The following RAD51B variants were observed in gnomAD, a reference collection of about 807,000 sequenced individuals.
The protein encoded by RAD51B is RAD51 paralog B, also known as DNA repair protein RAD51 homolog 2.
RAD51B carries 38 observed loss-of-function variants against 42.2 expected under a neutral mutation model. The observed-to-expected ratio is 0.90, with a 90% CI of 0.70 to 1.18. The LOEUF (loss-of-function observed/expected upper bound fraction) is 1.18. Ranked by LOEUF, RAD51B falls within the 50% of genes most tolerant of loss-of-function variation. The pLI is 0.00. For missense variants in RAD51B, 373 were observed against 400.7 expected (o/e 0.93, Z 0.59); for synonymous variants, 154 against 145.2 (o/e 1.06, Z -0.43).
At chr14:68,374,153 C>T (rs2083316953) in intron 8 of RAD51B, among the ~76,000 whole-genome samples, 1 of 152,202 alleles carries the variant, frequency 6.6e-6, no homozygotes, top group Admixed American at 6.5e-5. Flanking sequence ...GGCACTTTCC[C>T]TCAGCAGATT....
chr14:67,924,882 G>A (rs376007015), intron 7 of RAD51B, among the ~76,000 whole-genome samples: 5 of 152,162 alleles, frequency 3.3e-5, no homozygotes, highest in East Asian at 1.9e-4. Flanking sequence ...ACAGTCCAGC[G>A]TCTCATCAGA....
chr14:68,308,702 A>AT (rs919455767), intron 8 of RAD51B, among the ~76,000 whole-genome samples: 1 of 82,914 alleles, frequency 1.2e-5, no homozygotes, highest in African/African-American at 7.1e-5. Flanking sequence ...TATCTGTGTC[A>AT]TTAAAAAAAA....
intron 8 of RAD51B, among the ~76,000 whole-genome samples, chr14:68,366,742 GT>G (rs1205325732): frequency 6.6e-6 from 1 of 152,224 alleles, no homozygotes; most frequent in African/African-American, 2.4e-5. Context: ...CCACACCCTA[GT>G]TTAATGCTCT....
At chr14:67,917,428 C>T (rs977601926) in intron 7 of RAD51B, among the ~76,000 whole-genome samples, 1 of 152,116 alleles carries the variant, frequency 6.6e-6, no homozygotes, top group Non-Finnish European at 1.5e-5. Flanking sequence ...ACTTTTAAAC[C>T]ACCAGATCTC....
chr14:68,279,737 A>G lies in RAD51B; in HGVS notation c.757-12147A>G, dbSNP rs184692699. ...ACCCATCCGAAAAATAAATACAAAT[A>G]TCATTTCAAATAGGAAAAACAAGAA... On this transcript the variant is annotated intron_variant, in intron 7 of 10. Coordinates refer to ENST00000471583, the MANE Select transcript of RAD51B (RefSeq NM_133510.4). Among the ~76,000 whole-genome samples, 287 of 152,356 alleles carry G rather than the reference A, an allele frequency of 1.9e-3. 6 individuals carry two copies. Among genetic ancestry groups the G allele is most frequent in the East Asian group, 7.7e-4 (4 of 5,192 alleles).
rs771467335 is a variant in RAD51B at position 68,594,494 on chromosome 14, T to G, written c.1046T>G (p.Phe349Cys). ...TTTCTCTCTCTCTTAGAGACAACAT[T>G]TTGCTCTGTCACCCAAGCTGAACTG... Residue 349 changes from phenylalanine to cysteine, a missense_variant, in exon 11 of 11, where the codon TTT (phenylalanine) becomes TGT (cysteine). By Grantham distance (205) the Phe-to-Cys change is radical. Transcript: ENST00000487270. The G allele has an allele frequency of 3.4e-5, 47 of 1,368,456 alleles. 1 individual carries two copies. In the South Asian group the frequency reaches 5.2e-4, roughly 15 times the overall value. 84.8% of individuals were successfully genotyped at this position (1,368,456 alleles called of 1,614,324 possible).
rs976705325 is a variant in RAD51B at position 68,661,305 on chromosome 14, G to A, written c.*11+10449G>A. On this transcript the variant is annotated intron_variant, in intron 11 of 11. Coordinates refer to the RAD51B transcript ENST00000488612. ...AAATTATTCCCGCTTTACAGAACAG[G>A]AGACAGACCAGAGCAGTAAGCCTCC... 4.6e-5 allele frequency among the ~76,000 whole-genome samples: 7 copies of A among 152,202 alleles called. No homozygotes were observed. In the East Asian group the frequency reaches 1.2e-3, roughly 25 times the overall value.
chr14:68,324,193 C>T (rs2082207283), intron 8 of RAD51B, among the ~76,000 whole-genome samples: 1 of 152,148 alleles, frequency 6.6e-6, no homozygotes, highest in Non-Finnish European at 1.5e-5. Flanking sequence ...CTCAAGTAAT[C>T]TCTTGTTTTA....
chr14:68,070,747 C>T (rs756521417), intron 7 of RAD51B, among the ~76,000 whole-genome samples: 15 of 148,576 alleles, frequency 1.0e-4, no homozygotes, highest in Non-Finnish European at 2.1e-4. Context: ...CTTAGGATTG[C>T]TTTGGCTATT....
intron 7 of RAD51B, among the ~76,000 whole-genome samples, chr14:67,910,360 C>T (rs1477750294): frequency 1.4e-5 from 1 of 69,620 alleles, no homozygotes; most frequent in Admixed American, 1.5e-4. Flanking sequence ...GAGCCGAGAT[C>T]GCGCCACTGC....
At chr14:68,277,029 A>G (rs1374733077) in intron 7 of RAD51B, among the ~76,000 whole-genome samples, 1 of 152,152 alleles carries the variant, frequency 6.6e-6, no homozygotes, top group African/African-American at 2.4e-5. Flanking sequence ...AGTGTTAGGG[A>G]AGGAAGCCTT....
downstream of RAD51B, among the ~76,000 whole-genome samples, chr14:68,600,234 A>G (rs1891162231): frequency 6.6e-6 from 1 of 152,226 alleles, no homozygotes. Context: ...TTGAGGGGAA[A>G]GACTCAAAAG....
intron 7 of RAD51B, among the ~76,000 whole-genome samples, chr14:67,930,401 C>T (rs2044685066): frequency 6.6e-6 from 1 of 151,862 alleles, no homozygotes; most frequent in Admixed American, 6.6e-5. Context: ...TGATGAATTT[C>T]ATCTGCTTTT....
intron 10 of RAD51B, among the ~76,000 whole-genome samples, chr14:68,620,798 G>A (rs1196705826): frequency 6.6e-6 from 1 of 152,228 alleles, no homozygotes; most frequent in Non-Finnish European, 1.5e-5. Flanking sequence ...CAATTGGTCT[G>A]GGATGGGATT....
intron 7 of RAD51B, among the ~76,000 whole-genome samples, chr14:68,047,713 G>T (rs1023792639): frequency 6.6e-6 from 1 of 152,162 alleles, no homozygotes; most frequent in African/African-American, 2.4e-5. Flanking sequence ...CACTATGAGG[G>T]TGGGTATAGT....
chr14:67,825,987 C>T (rs956456883), intron 3 of RAD51B, among the ~76,000 whole-genome samples: 10 of 152,306 alleles, frequency 6.6e-5, no homozygotes, highest in Admixed American at 5.9e-4. Context: ...GCGTCGACCT[C>T]CCAAAGTCCT....
intron 7 of RAD51B, among the ~76,000 whole-genome samples, chr14:67,924,847 C>T (rs777322335): frequency 2.0e-5 from 3 of 152,220 alleles, no homozygotes; most frequent in Admixed American, 6.5e-5. Context: ...AGTCTCAACT[C>T]ATTTCAGCAT....
intron 10 of RAD51B, among the ~76,000 whole-genome samples, chr14:68,509,055 TAGG>T (rs1390956968): frequency 6.6e-6 from 1 of 152,128 alleles, no homozygotes; most frequent in Non-Finnish European, 1.5e-5. Context: ...ACTGGGAAAA[TAGG>T]GGGCCCTGGG....
chr14:68,649,959 G>A (rs8016988), intron 10 of RAD51B, among the ~76,000 whole-genome samples: 44,483 of 152,048 alleles, frequency 0.29, 7,218 homozygotes, highest in East Asian at 0.69. Context: ...GGGCTGCCTC[G>A]CTATGGTGGT....
Sources: gnomAD v4.1 joint callset for allele counts (sites outside exome capture counted in the v4.1 genomes callset) on GRCh38, gnomAD v4.1.1 for gene constraint, MANE v1.5 for transcripts, NCBI Gene and HGNC (gene_info 2026-07-23, HGNC 2026-07-21) for gene names.